Variants in MARK1 observed in about 807,000 individuals in gnomAD.
The protein encoded by MARK1 is microtubule affinity regulating kinase 1, also known as serine/threonine-protein kinase MARK1.
Under a neutral mutation model 96.3 loss-of-function variants are expected in MARK1, and 40 were observed. That is an observed-to-expected ratio of 0.42 (90% CI 0.32 to 0.54). MARK1 has a LOEUF of 0.54. MARK1 is among the 20% of genes least tolerant of loss of function. The pLI, the probability that MARK1 is intolerant of heterozygous loss-of-function variation, is 0.16. For missense variants in MARK1, 719 were observed against 984.6 expected, an observed-to-expected ratio of 0.73 and a Z score of 3.61; for synonymous variants, 317 against 341.2, an observed-to-expected ratio of 0.93 and a Z score of 0.78.
chr1:220,658,566 C>T (rs1408568412), intron 17 of MARK1, among the ~76,000 whole-genome samples: 1 of 152,128 alleles, frequency 6.6e-6, no homozygotes, highest in Non-Finnish European at 1.5e-5. Flanking sequence ...GAAATGAAGA[C>T]ATTAATTTAT....
intron 5 of MARK1, among the ~76,000 whole-genome samples, chr1:220,602,869 C>G (rs1174176766): frequency 6.6e-6 from 1 of 151,780 alleles, no homozygotes; most frequent in Non-Finnish European, 1.5e-5. Context: ...ATCTGTATAC[C>G]TAGGTACAAA....
intron 1 of MARK1, among the ~76,000 whole-genome samples, chr1:220,569,549 T>C (rs1313722074): frequency 2.6e-5 from 4 of 152,130 alleles, no homozygotes; most frequent in Admixed American, 2.6e-4. Flanking sequence ...TTTACATTTA[T>C]ATCCTTAATC....
At chr1:220,532,982 C>A (rs781316456) in intron 1 of MARK1, among the ~76,000 whole-genome samples, 2 of 149,152 alleles carry the variant, frequency 1.3e-5, no homozygotes, top group Non-Finnish European at 3.0e-5. Flanking sequence ...TGCACTCCAG[C>A]CCGGGTGACA....
Position 220,538,848 on chromosome 1 carries a change from C to T in MARK1, c.51+9975C>T, listed in dbSNP as rs554621558. On this transcript the variant is annotated intron_variant, in intron 1 of 17. Coordinates refer to ENST00000366917, the MANE Select transcript of MARK1 (RefSeq NM_018650.5). ...TGAAGCAATTGTGAATGGGAGTTCA[C>T]TCATGATTTGGCTCTCTGTTTGTCT... 7.3e-5 allele frequency among the ~76,000 whole-genome samples: 11 copies of T among 150,388 alleles called. No individual in the cohort carries two copies. In the East Asian group the frequency reaches 2.0e-3, roughly 27 times the overall value.
At chr1:220,633,922 A>G (rs1667807901) in intron 11 of MARK1, among the ~76,000 whole-genome samples, 1 of 152,206 alleles carries the variant, frequency 6.6e-6, no homozygotes, top group African/African-American at 2.4e-5. Context: ...AGAGATTTGA[A>G]TAATTAATAG....
intron 11 of MARK1, among the ~76,000 whole-genome samples, chr1:220,633,829 A>G (rs1444755197): frequency 6.6e-6 from 1 of 152,218 alleles, no homozygotes; most frequent in Non-Finnish European, 1.5e-5. Flanking sequence ...GAAGAGGGGA[A>G]GTTCAATTTG....
At chr1:220,574,290 C>G (rs528760311) in intron 1 of MARK1, among the ~76,000 whole-genome samples, 77 of 152,360 alleles carry the variant, frequency 5.1e-4, no homozygotes, top group African/African-American at 1.9e-3. Flanking sequence ...ACTTTATTAT[C>G]TTACACTTCT....
chr1:220,599,288 C>T (rs1330483186), intron 4 of MARK1, among the ~76,000 whole-genome samples: 1 of 151,868 alleles, frequency 6.6e-6, no homozygotes, highest in Non-Finnish European at 1.5e-5. Context: ...ATTTAAAAAT[C>T]TTATCTGTAT....
rs1313367361 is a variant in MARK1, at chr1:220,644,361, GA to G, written c.1471-6258del. Reference sequence around the variant, plus strand: ...GGTAAAAGGTTCAATTCAACATGAAGAGCTAACTATCCTAAATATACATGCA... The same window carrying G: ...GGTAAAAGGTTCAATTCAACATGAAGGCTAACTATCCTAAATATACATGCA... On this transcript the variant is annotated intron_variant, in intron 13 of 17. Transcript: ENST00000366917. 2.0e-5 allele frequency among the ~76,000 whole-genome samples: 3 copies of G among 151,678 alleles called. 1 individual carries two copies. Among genetic ancestry groups the G allele is most frequent in the Non-Finnish European group, 4.4e-5 (3 of 67,946 alleles).
At chr1:220,625,991 C>A in intron 9 of MARK1, 1 of 547,966 alleles carries the variant, frequency 1.8e-6, no homozygotes, top group South Asian at 1.5e-5. Context: ...GATACATGTT[C>A]GAGCACAGCA....
chr1:220,576,148 A>G (rs1466961782), intron 1 of MARK1, among the ~76,000 whole-genome samples: 3 of 150,858 alleles, frequency 2.0e-5, no homozygotes, highest in African/African-American at 2.4e-5. Flanking sequence ...TTGTGTATCT[A>G]CTGACATTGC....
At chr1:220,567,230 A>G (rs188360698) in intron 1 of MARK1, among the ~76,000 whole-genome samples, 1 of 152,306 alleles carries the variant, frequency 6.6e-6, no homozygotes, top group East Asian at 1.9e-4. Flanking sequence ...CAAGTTTGCT[A>G]CTGATGGCTA....
chr1:220,607,835 T>G (rs1298515921), intron 6 of MARK1, among the ~76,000 whole-genome samples: 1 of 152,208 alleles, frequency 6.6e-6, no homozygotes, highest in African/African-American at 2.4e-5. Context: ...CATTGTTTGT[T>G]GTTTATGTGA....
intron 9 of MARK1, among the ~76,000 whole-genome samples, chr1:220,621,314 C>T (rs1418003516): frequency 6.6e-6 from 1 of 151,814 alleles, no homozygotes; most frequent in East Asian, 1.9e-4. Context: ...ACTTTTTTCC[C>T]CTTTGGGATA....
At chr1:220,636,051 C>G (rs765700542) in intron 13 of MARK1, 25 bp downstream of exon 13, 6 of 1,465,972 alleles carry the variant, frequency 4.1e-6, no homozygotes, top group Non-Finnish European at 3.7e-6. Flanking sequence ...TGGTATATTG[C>G]AATTTATTGT....
At position 220,653,117 on chromosome 1, in the gene MARK1, C is replaced by A. The variant is rs747328940; in HGVS notation, c.1753C>A (p.Pro585Thr). The A allele has an allele frequency of 6.2e-7, 1 of 1,614,152 alleles. No homozygotes were observed. The highest frequency in any genetic ancestry group is 1.3e-5 in the African/African-American group (1 of 75,038). The change falls in exon 16 of 18, where the codon CCT becomes ACT. Residue 585 changes from proline (P) to threonine (T), a missense_variant. Physicochemically the swap from Pro to Thr is conservative, Grantham distance 38 (BLOSUM62 -1). Around this residue, in one of 4 missense-constraint regions of MARK1, gnomAD observed 501 missense variants for 588.3 expected, o/e 0.85. Transcript: ENST00000366917. Reference protein sequence around the residue: ...AYRPGTTQRVPAASPSAHSIS... With the variant: ...AYRPGTTQRVTAASPSAHSIS... ...TCCCAGCAGTACAACCCAGAGAGTG[C>A]CTGCTGCTTCCCCATCTGCTCACAG...
chr1:220,635,236 C>A (rs1667885459), intron 11 of MARK1, 140 bp from the exon 12 acceptor site: 1 of 749,226 alleles, frequency 1.3e-6, no homozygotes, highest in Non-Finnish European at 2.1e-6. Context: ...AAGTTCTAGG[C>A]CCAATACTAC....
chr1:220,652,970 C>T lies in MARK1; in HGVS notation c.1737-131C>T, dbSNP rs1221468070. ...GAAATTTTACTCCAAACCCATGTCTCACATCTCTAATGTGAACAAATAAAG... is the reference window on the plus strand; with the variant it reads ...GAAATTTTACTCCAAACCCATGTCTTACATCTCTAATGTGAACAAATAAAG... On this transcript the variant is annotated intron_variant, in intron 15 of 17. Transcript: ENST00000366917. 4 of 998,822 alleles carry T rather than the reference C, an allele frequency of 4.0e-6. No homozygotes were observed. In the East Asian group the frequency reaches 1.0e-4, roughly 25 times the overall value. 61.9% of individuals were successfully genotyped at this position (998,822 alleles called of 1,614,324 possible). A position where few individuals can be genotyped will look rare whatever the true frequency, so the allele number is the denominator to read the frequency against.
intron 9 of MARK1, chr1:220,626,571 C>G: frequency 2.4e-6 from 1 of 417,786 alleles, no homozygotes; most frequent in Non-Finnish European, 4.7e-6. Context: ...TGCCTGTTCT[C>G]AGCATTTTGG....
Sources: allele counts gnomAD v4.1 joint callset (sites outside exome capture counted in the v4.1 genomes callset), GRCh38; gene constraint gnomAD v4.1.1; regional missense constraint gnomAD v4.1.1; transcripts MANE v1.5; gene names NCBI Gene and HGNC (gene_info 2026-07-23, HGNC 2026-07-21).